ZNF536: variants seen among roughly 807,000 people sequenced by gnomAD.
ZNF536 encodes the protein zinc finger protein 536.
In ZNF536, 13 loss-of-function variants were observed where a neutral mutation model predicts 84.5. The observed-to-expected ratio is 0.15, with a 90% CI of 0.10 to 0.24. The LOEUF is 0.24. Among genes scored for constraint, ZNF536 ranks in the 10% least tolerant of loss-of-function variants. The pLI, the probability that ZNF536 is intolerant of heterozygous loss-of-function variation, is 1.00. For synonymous variants in ZNF536, 811 were observed against 742.5 expected, an observed-to-expected ratio of 1.09 and a Z score of -1.50; for missense variants, 1,536 against 1,747.5, an observed-to-expected ratio of 0.88 and a Z score of 2.16.
At chr19:30,471,770 G>C (rs1270885525) in intron 2 of ZNF536, among the ~76,000 whole-genome samples, 1 of 152,276 alleles carries the variant, frequency 6.6e-6, no homozygotes, top group Non-Finnish European at 1.5e-5. Flanking sequence ...CCTGGATAGA[G>C]AGAGAATGGT....
chr19:30,611,665 G>A (rs894108229), intron 1 of ZNF536, among the ~76,000 whole-genome samples: 37 of 152,098 alleles, frequency 2.4e-4, no homozygotes, highest in Admixed American at 6.6e-5. Context: ...GTGACATGGC[G>A]CGTACTATTT....
chr19:30,294,213 TTTTAGCTGGGGAGG>T (rs2045928891), intron 2 of ZNF536, among the ~76,000 whole-genome samples: 1 of 151,636 alleles, frequency 6.6e-6, no homozygotes, highest in African/African-American at 2.4e-5. Flanking sequence ...GGAGAGGGAG[TTTTAGCTGGGGAGG>T]TAGAGGCACG....
At chr19:30,605,732 A>G (rs540705882) in intron 1 of ZNF536, among the ~76,000 whole-genome samples, 2 of 152,116 alleles carry the variant, frequency 1.3e-5, no homozygotes, top group African/African-American at 4.8e-5. Flanking sequence ...CGAATGGTGG[A>G]TCTCCTTTTA....
intron 1 of ZNF536, among the ~76,000 whole-genome samples, chr19:30,433,568 G>T (rs1256234534): frequency 6.6e-6 from 1 of 152,202 alleles, no homozygotes; most frequent in Non-Finnish European, 1.5e-5. Context: ...CGCGATCTCG[G>T]TTCACCACAA....
At chr19:30,662,074 A>G (rs79576743) in intron 1 of ZNF536, among the ~76,000 whole-genome samples, 3,090 of 152,324 alleles carry the variant, frequency 0.02, 103 homozygotes, top group African/African-American at 0.071. Flanking sequence ...CAACTTTCCC[A>G]AAAATAGCAC....
chr19:30,670,716 T>C (rs1159089600), intron 1 of ZNF536, among the ~76,000 whole-genome samples: 1 of 152,216 alleles, frequency 6.6e-6, no homozygotes, highest in African/African-American at 2.4e-5. Context: ...GAGACGCCTT[T>C]CCGGACTGGC....
intron 1 of ZNF536, among the ~76,000 whole-genome samples, chr19:30,629,435 A>G (rs1441940121): frequency 1.3e-5 from 2 of 152,122 alleles, no homozygotes; most frequent in African/African-American, 4.8e-5. Flanking sequence ...GGCTCCAGCC[A>G]TTCACCCACC....
At chr19:30,542,334 G>A (rs555695828) in intron 3 of ZNF536, among the ~76,000 whole-genome samples, 125 of 152,264 alleles carry the variant, frequency 8.2e-4, no homozygotes, top group African/African-American at 2.5e-3. Flanking sequence ...AATAGGTACC[G>A]TGAACTAATT....
intron 2 of ZNF536, among the ~76,000 whole-genome samples, chr19:30,448,372 C>G (rs1444982209): frequency 1.3e-5 from 2 of 152,012 alleles, no homozygotes; most frequent in African/African-American, 4.8e-5. Context: ...TTAAAATAAG[C>G]ATTTAAATAA....
chr19:30,467,538 C>T (rs1260821399), intron 2 of ZNF536, among the ~76,000 whole-genome samples: 1 of 152,148 alleles, frequency 6.6e-6, no homozygotes, highest in Non-Finnish European at 1.5e-5. Flanking sequence ...GTCCTTTTGG[C>T]TGTTTCAGTA....
At chr19:30,567,329 G>A (rs749529114) in intron 1 of ZNF536, among the ~76,000 whole-genome samples, 1 of 152,184 alleles carries the variant, frequency 6.6e-6, no homozygotes, top group African/African-American at 2.4e-5. Context: ...GGGACCAGGT[G>A]TTTGGGTTGT....
At chr19:30,389,061 A>G (rs2049468375) in intron 1 of ZNF536, among the ~76,000 whole-genome samples, 1 of 152,222 alleles carries the variant, frequency 6.6e-6, no homozygotes, top group Non-Finnish European at 1.5e-5. Flanking sequence ...GGCTCCTCTT[A>G]CCATGAGCCA....
chr19:30,510,801 G>A (rs1179155689), intron 2 of ZNF536, among the ~76,000 whole-genome samples: 1 of 152,184 alleles, frequency 6.6e-6, no homozygotes, highest in African/African-American at 2.4e-5. Flanking sequence ...TGGGAGACAT[G>A]TCCTGCCTTC....
intron 1 of ZNF536, among the ~76,000 whole-genome samples, chr19:30,403,475 G>A (rs1742890714): frequency 6.6e-6 from 1 of 152,140 alleles, no homozygotes; most frequent in African/African-American, 2.4e-5. Flanking sequence ...GTGGCATTTG[G>A]GTAAGAAGGA....
chr19:30,586,374 C>T (rs1485778185), intron 1 of ZNF536, among the ~76,000 whole-genome samples: 1 of 152,224 alleles, frequency 6.6e-6, no homozygotes, highest in African/African-American at 2.4e-5. Context: ...TGTTCTATTG[C>T]ATGTTAGTCA....
chr19:30,511,802 C>A (rs942169194), intron 2 of ZNF536, among the ~76,000 whole-genome samples: 1 of 152,006 alleles, frequency 6.6e-6, no homozygotes, highest in African/African-American at 2.4e-5. Flanking sequence ...GCAAGGAGAC[C>A]GTATGCACGT....
intron 2 of ZNF536, among the ~76,000 whole-genome samples, chr19:30,525,116 A>G (rs1170162798): frequency 6.6e-6 from 1 of 152,168 alleles, no homozygotes; most frequent in East Asian, 1.9e-4. Flanking sequence ...TTAGTCTTCT[A>G]AGGAGCTCTC....
At chr19:30,311,259 C>T (rs2046494569) in intron 2 of ZNF536, among the ~76,000 whole-genome samples, 1 of 152,162 alleles carries the variant, frequency 6.6e-6, no homozygotes, top group Non-Finnish European at 1.5e-5. Flanking sequence ...CATGGTGGCC[C>T]TTCCTACTGA....
intron 1 of ZNF536, among the ~76,000 whole-genome samples, chr19:30,597,884 T>C (rs1293673735): frequency 6.6e-6 from 1 of 152,246 alleles, no homozygotes; most frequent in Admixed American, 6.5e-5. Flanking sequence ...TGTATTGTTG[T>C]TGTGTATACA....
Sources: gnomAD v4.1 joint callset for allele counts (sites outside exome capture counted in the v4.1 genomes callset) on GRCh38, gnomAD v4.1.1 for gene constraint, MANE v1.5 for transcripts, NCBI Gene and HGNC (gene_info 2026-07-23, HGNC 2026-07-21) for gene names.